The following CTNND2 variants were observed in gnomAD, a reference collection of about 807,000 sequenced individuals.
CTNND2 encodes the protein catenin delta-2.
Under a neutral mutation model 144.4 loss-of-function variants are expected in CTNND2, and 22 were observed. The observed-to-expected ratio is 0.15, with a 90% CI of 0.11 to 0.22. The LOEUF is 0.22. Among genes scored for constraint, CTNND2 ranks in the 10% least tolerant of loss-of-function variants. CTNND2 has a pLI of 1.00. For synonymous variants in CTNND2, 751 were observed against 695.6 expected (o/e 1.08, Z -1.25); for missense variants, 1,353 against 1,618.8 (o/e 0.84, Z 2.82).
chr5:11,813,000 T>C (rs1013425806), intron 1 of CTNND2, among the ~76,000 whole-genome samples: 2 of 152,152 alleles, frequency 1.3e-5, no homozygotes, highest in African/African-American at 4.8e-5. Flanking sequence ...AATCTACTCA[T>C]ATAATCGGGT....
At chr5:11,147,565 G>A (rs1192005052) in intron 12 of CTNND2, among the ~76,000 whole-genome samples, 1 of 151,906 alleles carries the variant, frequency 6.6e-6, no homozygotes, top group Non-Finnish European at 1.5e-5. Flanking sequence ...GTTCTGAGAT[G>A]CTTAAAATAA....
intron 1 of CTNND2, among the ~76,000 whole-genome samples, chr5:11,808,728 A>C (rs1205182626): frequency 6.6e-6 from 1 of 152,208 alleles, no homozygotes; most frequent in Non-Finnish European, 1.5e-5. Flanking sequence ...AATGCAAACC[A>C]AACTTTCTAC....
intron 3 of CTNND2, among the ~76,000 whole-genome samples, chr5:11,442,337 C>A (rs546626800): frequency 6.6e-6 from 1 of 152,212 alleles, no homozygotes; most frequent in South Asian, 2.1e-4. Context: ...ATTAGAATCC[C>A]TTGTGAATAC....
chr5:11,470,885 C>T (rs1767120124), intron 3 of CTNND2, among the ~76,000 whole-genome samples: 2 of 146,556 alleles, frequency 1.4e-5, no homozygotes, highest in Non-Finnish European at 3.0e-5. Flanking sequence ...ACAATATGGG[C>T]AGAGCTGGGT....
chr5:11,818,068 G>A (rs779193359), intron 1 of CTNND2, among the ~76,000 whole-genome samples: 18 of 140,762 alleles, frequency 1.3e-4, no homozygotes, highest in Non-Finnish European at 1.8e-4. Context: ...TAGAAGTGAC[G>A]TTCATTTGGT....
intron 10 of CTNND2, among the ~76,000 whole-genome samples, chr5:11,235,527 C>A (rs1212535128): frequency 6.6e-6 from 1 of 152,152 alleles, no homozygotes; most frequent in Non-Finnish European, 1.5e-5. Flanking sequence ...TTTGGCACTG[C>A]TGACATTTGG....
chr5:10,978,691 G>GCT (rs1255533726), intron 21 of CTNND2, among the ~76,000 whole-genome samples: 5 of 152,214 alleles, frequency 3.3e-5, no homozygotes, highest in African/African-American at 1.2e-4. Context: ...TGCGGAGCTT[G>GCT]CTCTCCATCC....
chr5:11,021,361 G>A (rs547224184), intron 17 of CTNND2, among the ~76,000 whole-genome samples: 123 of 152,280 alleles, frequency 8.1e-4, no homozygotes, highest in African/African-American at 2.8e-3. Flanking sequence ...TATTGTGTGT[G>A]TGGGTGTGTA....
intron 9 of CTNND2, among the ~76,000 whole-genome samples, chr5:11,328,108 C>T (rs565616405): frequency 1.3e-5 from 2 of 152,172 alleles, no homozygotes; most frequent in South Asian, 4.1e-4. Context: ...TATCAAAGCG[C>T]TAGTGATTTA....
chr5:11,110,709 G>C (rs948099798), intron 14 of CTNND2, 149 bp downstream of exon 14: 1 of 736,900 alleles, frequency 1.4e-6, no homozygotes, highest in African/African-American at 1.8e-5. Context: ...CGTCTCAGCT[G>C]TGAAATTCCC....
At chr5:11,445,268 A>G (rs1267290147) in intron 3 of CTNND2, among the ~76,000 whole-genome samples, 1 of 152,208 alleles carries the variant, frequency 6.6e-6, no homozygotes, top group African/African-American at 2.4e-5. Context: ...CTGTGTGTCC[A>G]GGTGTCCAGA....
At chr5:11,024,941 G>A (rs1345102448) in intron 16 of CTNND2, among the ~76,000 whole-genome samples, 2 of 152,158 alleles carry the variant, frequency 1.3e-5, no homozygotes, top group East Asian at 1.9e-4. Context: ...TCACCCCAAT[G>A]TGCCATTCAA....
intron 12 of CTNND2, among the ~76,000 whole-genome samples, chr5:11,152,615 C>T (rs139687718): frequency 4.6e-5 from 7 of 152,282 alleles, no homozygotes; most frequent in Middle Eastern, 3.4e-3. Flanking sequence ...AGGAAGTGAT[C>T]TGGAAATGTT....
intron 2 of CTNND2, among the ~76,000 whole-genome samples, chr5:11,731,584 T>C (rs1469301405): frequency 6.6e-6 from 1 of 152,216 alleles, no homozygotes; most frequent in Non-Finnish European, 1.5e-5. Context: ...AATCTAAGGT[T>C]CAGATTTTAT....
At position 11,137,826 on chromosome 5, in the gene CTNND2, G is replaced by A. The variant is rs140457183; in HGVS notation, c.2160-20259C>T. On this transcript the variant is annotated intron_variant, in intron 12 of 21. Coordinates refer to ENST00000304623, the MANE Select transcript of CTNND2 (RefSeq NM_001332.4). ...GTATCCATCTGGATATGAAATTAGA[G>A]GTATTTAATGACCAAAATGACCCTG... Among the ~76,000 whole-genome samples the A allele has an allele frequency of 2.2e-3, 332 of 152,252 alleles. 2 individuals carry two copies. The highest frequency in any genetic ancestry group is 7.6e-3 in the African/African-American group (314 of 41,550).
At position 11,101,408 on chromosome 5, in the gene CTNND2, G is replaced by C. The variant is rs149347944; in HGVS notation, c.2464-2660C>G. ...GTTAGGATCAGACTGATGTAGGTGA[G>C]ACAATTCTGCACATGCAAACTTTTG... On this transcript the variant is annotated intron_variant, in intron 14 of 21. Transcript: ENST00000304623. Among the ~76,000 whole-genome samples the C allele has an allele frequency of 4.2e-4, 64 of 152,312 alleles. 1 individual carries two copies. The highest frequency in any genetic ancestry group is 1.5e-3 in the African/African-American group (64 of 41,564).
intron 2 of CTNND2, among the ~76,000 whole-genome samples, chr5:11,722,951 C>T (rs986116080): frequency 2.2e-4 from 33 of 152,122 alleles, no homozygotes; most frequent in Non-Finnish European, 2.5e-4. Flanking sequence ...TTTAATATGA[C>T]AACATCAAGA....
chr5:11,743,498 G>T (rs1260723723), intron 1 of CTNND2, among the ~76,000 whole-genome samples: 1 of 152,142 alleles, frequency 6.6e-6, no homozygotes, highest in African/African-American at 2.4e-5. Flanking sequence ...CCTGATACTT[G>T]CAACCAACAG....
chr5:11,184,725 C>T (rs570604574), intron 11 of CTNND2, among the ~76,000 whole-genome samples: 13 of 152,302 alleles, frequency 8.5e-5, no homozygotes, highest in Admixed American at 3.9e-4. Flanking sequence ...AACGAGGACA[C>T]AGCTGACTCT....
Sources: gnomAD v4.1 joint callset for allele counts (sites outside exome capture counted in the v4.1 genomes callset) on GRCh38, gnomAD v4.1.1 for gene constraint, MANE v1.5 for transcripts, NCBI Gene and HGNC (gene_info 2026-07-23, HGNC 2026-07-21) for gene names.